PGGT1B: variants seen among roughly 807,000 people sequenced by gnomAD.
PGGT1B encodes geranylgeranyl transferase type-1 subunit beta.
PGGT1B carries 30 observed loss-of-function variants against 46.1 expected under a neutral mutation model. The ratio of observed to expected loss-of-function variants is 0.65; its 90% confidence interval spans 0.49 to 0.88. PGGT1B has a LOEUF of 0.88. Among genes scored for constraint, PGGT1B ranks in the 40% least tolerant of loss-of-function variants. PGGT1B has a pLI of 0.00. For synonymous variants in PGGT1B, 170 were observed against 160.0 expected, an observed-to-expected ratio of 1.06 and a Z score of -0.47; for missense variants, 376 against 455.9, an observed-to-expected ratio of 0.82 and a Z score of 1.60.
intron 3 of PGGT1B, 66 bp from the exon 4 acceptor site, chr5:115,238,075 C>A: frequency 8.5e-7 from 1 of 1,173,646 alleles, no homozygotes; most frequent in Non-Finnish European, 1.2e-6. Flanking sequence ...ATTAAGAAAT[C>A]TGACATAAGG....
intron 3 of PGGT1B, among the ~76,000 whole-genome samples, chr5:115,238,291 A>ATTTTTTTTTTTTTGTTTT (rs1757246209): frequency 2.1e-5 from 1 of 46,964 alleles, no homozygotes; most frequent in African/African-American, 7.8e-5. Context: ...ATTTTTTTGG[A>ATTTTTTTTTTTTTGTTTT]TTTTTTTTTT....
chr5:115,238,253 T>C (rs535819902), intron 3 of PGGT1B, among the ~76,000 whole-genome samples: 3 of 150,812 alleles, frequency 2.0e-5, no homozygotes, highest in South Asian at 4.2e-4. Flanking sequence ...AGTTATGATA[T>C]TCAGGTAAAG....
In PGGT1B at chr5:115,221,804, T is replaced by C. The variant is rs755539996; in HGVS notation, c.843+20A>G. The C allele has an allele frequency of 6.7e-7, 1 of 1,498,272 alleles. No individual in the cohort carries two copies. The highest frequency in any genetic ancestry group is 2.1e-5 in the Admixed American group (1 of 46,634). 92.8% of individuals were successfully genotyped at this position (1,498,272 alleles called of 1,614,324 possible). ...ATGAACACAGAATATAGGTTTCTCA[T>C]TTTTTATTATTTCTCTTACCTTCAG... On this transcript the variant is annotated intron_variant, in intron 7 of 8. Coordinates refer to ENST00000419445, the MANE Select transcript of PGGT1B (RefSeq NM_005023.4).
intron 5 of PGGT1B, among the ~76,000 whole-genome samples, chr5:115,234,564 G>A (rs1352532895): frequency 2.0e-5 from 3 of 151,950 alleles, no homozygotes; most frequent in African/African-American, 4.8e-5. Context: ...AATTCAAAGA[G>A]AAACAAATAA....
At chr5:115,249,936 T>C (rs1748017684) in intron 2 of PGGT1B, among the ~76,000 whole-genome samples, 1 of 152,196 alleles carries the variant, frequency 6.6e-6, no homozygotes, top group Admixed American at 6.5e-5. Context: ...GTAAGGTTAA[T>C]CATCTTTTTA....
intron 1 of PGGT1B, among the ~76,000 whole-genome samples, chr5:115,257,232 G>A (rs2127034424): frequency 6.6e-6 from 1 of 152,258 alleles, no homozygotes; most frequent in East Asian, 1.9e-4. Context: ...CAACAAGAAG[G>A]ATGGGCGCAG....
chr5:115,213,143 ATCC>A (rs1344324038), intron 8 of PGGT1B, among the ~76,000 whole-genome samples: 2 of 152,234 alleles, frequency 1.3e-5, no homozygotes, highest in Non-Finnish European at 2.9e-5. Flanking sequence ...GCCATATTTA[ATCC>A]TCCTATTTAG....
chr5:115,256,304 C>G (rs912680812), intron 1 of PGGT1B, among the ~76,000 whole-genome samples: 1 of 152,114 alleles, frequency 6.6e-6, no homozygotes, highest in Non-Finnish European at 1.5e-5. Flanking sequence ...TTGAGAAAAC[C>G]TGCTTTAAGG....
At chr5:115,239,954 T>G (rs1279708629) in intron 3 of PGGT1B, among the ~76,000 whole-genome samples, 1 of 152,200 alleles carries the variant, frequency 6.6e-6, no homozygotes, top group Non-Finnish European at 1.5e-5. Flanking sequence ...TTTGGTGGCT[T>G]CAGAAGAAAA....
intron 5 of PGGT1B, among the ~76,000 whole-genome samples, chr5:115,235,711 T>C (rs374642688): frequency 3.9e-5 from 6 of 152,236 alleles, no homozygotes; most frequent in East Asian, 1.9e-4. Flanking sequence ...TTTTTAAAAT[T>C]TGGGCTGTTG....
intron 2 of PGGT1B, among the ~76,000 whole-genome samples, chr5:115,247,036 A>G (rs1156519689): frequency 6.6e-6 from 1 of 152,220 alleles, no homozygotes; most frequent in Non-Finnish European, 1.5e-5. Flanking sequence ...GTTATCAACT[A>G]TAAGGAAGAA....
At position 115,211,570 on chromosome 5, in the gene PGGT1B, T is replaced by TA. The variant is rs1359880340; in HGVS notation, c.*831dup. 1.2e-4 allele frequency: 5 copies of TA among 41,608 alleles called. No homozygotes were observed. The highest frequency in any genetic ancestry group is 2.5e-4 in the Non-Finnish European group (5 of 19,700). 2.6% of individuals were successfully genotyped at this position (41,608 alleles called of 1,614,324 possible). ...AACACAAAGTATCTTTCCTTCTAGA[T>TA]AAAAAAGATTGTTTTCTTCCTAGAA... On this transcript the variant is annotated 3_prime_UTR_variant, in exon 9 of 9. Coordinates refer to ENST00000419445, the MANE Select transcript of PGGT1B (RefSeq NM_005023.4).
Position 115,241,602 on chromosome 5 carries a change from T to C in PGGT1B, c.264A>G (p.Ser88=). The change falls in exon 3 of 9, where the codon TCA becomes TCG. Residue 88 remains serine, a synonymous_variant. Coordinates refer to ENST00000419445, the MANE Select transcript of PGGT1B (RefSeq NM_005023.4). ...CTCGGAAACCACAGCGATTTAGATT[T>C]GATCCTAGAAAATAAAAGCATGTGC... ...SLQVLPTEDR[S]NLNRCGFRGS... The C allele has an allele frequency of 6.2e-7, 1 of 1,606,380 alleles. No homozygotes were observed. Among genetic ancestry groups the C allele is most frequent in the Non-Finnish European group, 8.5e-7 (1 of 1,175,516 alleles).
At chr5:115,253,969 G>A (rs1220316034) in intron 1 of PGGT1B, among the ~76,000 whole-genome samples, 1 of 151,962 alleles carries the variant, frequency 6.6e-6, no homozygotes, top group Admixed American at 6.6e-5. Context: ...TTCCTTTCAT[G>A]TTGAGAAGCA....
chr5:115,262,797 C>G lies in PGGT1B; in HGVS notation c.55G>C (p.Asp19His). ...CGCACGTGCCGATCCCGTAAGAAATCCAGCCGCTCTCCCTCACCGCTCCCT... is the reference window on the plus strand; with the variant it reads ...CGCACGTGCCGATCCCGTAAGAAATGCAGCCGCTCTCCCTCACCGCTCCCT... ...LAGSGEGERL[D>H]FLRDRHVRFF... The change falls in exon 1 of 9, where the codon GAT (aspartate) becomes CAT (histidine). Residue 19 changes from aspartate (D) to histidine (H), a missense_variant. Asp to His is a moderately conservative substitution (Grantham distance 81). Coordinates refer to ENST00000419445, the MANE Select transcript of PGGT1B (RefSeq NM_005023.4). 1 of 1,613,122 alleles carries G rather than the reference C, an allele frequency of 6.2e-7. No individual in the cohort carries two copies. The highest frequency in any genetic ancestry group is 8.5e-7 in the Non-Finnish European group (1 of 1,179,892).
intron 2 of PGGT1B, among the ~76,000 whole-genome samples, chr5:115,249,731 A>T (rs1748007979): frequency 6.6e-6 from 1 of 152,196 alleles, no homozygotes; most frequent in Non-Finnish European, 1.5e-5. Context: ...GAACATACTG[A>T]CATATTGATT....
intron 1 of PGGT1B, 101 bp from the exon 2 acceptor site, chr5:115,253,356 T>C: frequency 1.0e-6 from 1 of 996,362 alleles, no homozygotes; most frequent in Non-Finnish European, 1.4e-6. Flanking sequence ...AATTTTCCAA[T>C]AATTTAAACA....
intron 8 of PGGT1B, among the ~76,000 whole-genome samples, chr5:115,215,455 C>G (rs954849460): frequency 6.6e-6 from 1 of 152,066 alleles, no homozygotes; most frequent in Non-Finnish European, 1.5e-5. Context: ...CCCACCACCA[C>G]GCCTGGCTAA....
At chr5:115,214,319 C>T (rs1247038187) in intron 8 of PGGT1B, among the ~76,000 whole-genome samples, 2 of 152,132 alleles carry the variant, frequency 1.3e-5, no homozygotes, top group Non-Finnish European at 2.9e-5. Context: ...AACTCCTTAT[C>T]TGTAAGTGGC....
Sources: gnomAD v4.1 joint callset for allele counts (sites outside exome capture counted in the v4.1 genomes callset) on GRCh38, gnomAD v4.1.1 for gene constraint, MANE v1.5 for transcripts, NCBI Gene and HGNC (gene_info 2026-07-23, HGNC 2026-07-21) for gene names.